Variants in ASAP1 observed in about 807,000 individuals in gnomAD.
The protein encoded by ASAP1 is arf-GAP with SH3 domain, ANK repeat and PH domain-containing protein 1.
A neutral mutation model predicts 145.2 loss-of-function variants in ASAP1; 43 were observed. The observed-to-expected ratio is 0.30, with a 90% CI of 0.23 to 0.38. ASAP1 has a LOEUF of 0.38. Among genes scored for constraint, ASAP1 ranks in the 10% least tolerant of loss-of-function variants. ASAP1 has a pLI of 1.00. For synonymous variants in ASAP1, 546 were observed against 515.5 expected (o/e 1.06, Z -0.80); for missense variants, 1,018 against 1,355.3 (o/e 0.75, Z 3.91).
chr8:130,315,524 A>T (rs1324716405), intron 3 of ASAP1, among the ~76,000 whole-genome samples: 4 of 152,212 alleles, frequency 2.6e-5, no homozygotes, highest in Non-Finnish European at 5.9e-5. Context: ...GAGCATAAGG[A>T]AGAGGCTCCT....
intron 11 of ASAP1, among the ~76,000 whole-genome samples, chr8:130,166,651 G>A (rs2097680410): frequency 6.6e-6 from 1 of 151,974 alleles, no homozygotes; most frequent in Non-Finnish European, 1.5e-5. Flanking sequence ...ACTAGATAAT[G>A]AGCTACTAGA....
At chr8:130,257,831 T>C (rs1819660352) in intron 3 of ASAP1, among the ~76,000 whole-genome samples, 1 of 136,074 alleles carries the variant, frequency 7.3e-6, no homozygotes, top group Non-Finnish European at 1.5e-5. Context: ...ATCTCAGAAG[T>C]AGTTCTCCAT....
At chr8:130,218,231 G>A (rs1817056470) in intron 4 of ASAP1, among the ~76,000 whole-genome samples, 2 of 151,776 alleles carry the variant, frequency 1.3e-5, no homozygotes, top group South Asian at 4.2e-4. Flanking sequence ...TGATTTTGGA[G>A]ACCTATGAAA....
At chr8:130,125,418 T>C (rs1005090139) in intron 17 of ASAP1, among the ~76,000 whole-genome samples, 20 of 152,110 alleles carry the variant, frequency 1.3e-4, no homozygotes, top group Non-Finnish European at 1.9e-4. Context: ...AACCCCTTTT[T>C]TGGATTAAGA....
At chr8:130,397,226 T>C (rs1828572818) in intron 2 of ASAP1, among the ~76,000 whole-genome samples, 1 of 152,150 alleles carries the variant, frequency 6.6e-6, no homozygotes, top group South Asian at 2.1e-4. Flanking sequence ...CTGCAACCTC[T>C]GCCTCCCAGG....
intron 10 of ASAP1, among the ~76,000 whole-genome samples, chr8:130,168,429 G>C (rs2097684560): frequency 6.6e-6 from 1 of 152,180 alleles, no homozygotes; most frequent in African/African-American, 2.4e-5. Flanking sequence ...TGGATCACTT[G>C]AGCTCAGGAG....
intron 24 of ASAP1, 150 bp downstream of exon 24, chr8:130,111,944 C>T (rs2097547585): frequency 1.4e-6 from 1 of 708,728 alleles, no homozygotes; most frequent in Non-Finnish European, 2.4e-6. Context: ...ATGGCATGGT[C>T]CCTATTTCAA....
intron 3 of ASAP1, among the ~76,000 whole-genome samples, chr8:130,357,737 G>A (rs890006881): frequency 2.0e-4 from 31 of 152,242 alleles, no homozygotes; most frequent in African/African-American, 6.3e-4. Flanking sequence ...GTGCATGCCA[G>A]GGACAGGACT....
At chr8:130,126,365 A>G (rs1358070905) in intron 16 of ASAP1, among the ~76,000 whole-genome samples, 2 of 152,180 alleles carry the variant, frequency 1.3e-5, no homozygotes, top group Non-Finnish European at 2.9e-5. Context: ...CCTGTGAGAG[A>G]TGTTCCCTCA....
chr8:130,189,514 C>T (rs985052807), intron 5 of ASAP1, among the ~76,000 whole-genome samples: 1 of 152,132 alleles, frequency 6.6e-6, no homozygotes, highest in Non-Finnish European at 1.5e-5. Flanking sequence ...AATAATATTC[C>T]ATTGTGTATA....
chr8:130,186,131 G>A (rs899623695), intron 7 of ASAP1, among the ~76,000 whole-genome samples: 2 of 151,880 alleles, frequency 1.3e-5, no homozygotes, highest in South Asian at 2.1e-4. Context: ...GCAGTACTTC[G>A]CTTACAAGTT....
intron 27 of ASAP1, among the ~76,000 whole-genome samples, chr8:130,073,403 A>C (rs1298828593): frequency 6.6e-6 from 1 of 151,908 alleles, no homozygotes; most frequent in East Asian, 1.9e-4. Flanking sequence ...AAAAAAAAAA[A>C]AACAAATACA....
At chr8:130,056,236 C>G (rs762097335) in intron 29 of ASAP1, among the ~76,000 whole-genome samples, 1 of 152,234 alleles carries the variant, frequency 6.6e-6, no homozygotes, top group African/African-American at 2.4e-5. Flanking sequence ...GAGCTAGTAA[C>G]TGATTCACGT....
intron 3 of ASAP1, among the ~76,000 whole-genome samples, chr8:130,338,142 T>C (rs1326547930): frequency 6.6e-6 from 1 of 152,170 alleles, no homozygotes; most frequent in Non-Finnish European, 1.5e-5. Context: ...CACCTCACCC[T>C]CACAACAGAC....
At chr8:130,291,191 AG>A (rs1482307412) in intron 3 of ASAP1, among the ~76,000 whole-genome samples, 2 of 152,248 alleles carry the variant, frequency 1.3e-5, no homozygotes, top group African/African-American at 4.8e-5. Context: ...GAACACTCTT[AG>A]AATGTGAATG....
At chr8:130,250,631 G>A (rs1046447697) in intron 3 of ASAP1, among the ~76,000 whole-genome samples, 6 of 152,034 alleles carry the variant, frequency 3.9e-5, no homozygotes, top group Non-Finnish European at 7.4e-5. Flanking sequence ...GTTTTGTTTT[G>A]TTTTATTTTT....
chr8:130,404,641 T>C lies in ASAP1; in HGVS notation c.-27-2671A>G, dbSNP rs200556664. Reference sequence around the variant, plus strand: ...CCCAAGTGGAGCAGCTGAGTTAGTATGGTAGACTGCATGAGTCTTCCCAGT... The same window carrying C: ...CCCAAGTGGAGCAGCTGAGTTAGTACGGTAGACTGCATGAGTCTTCCCAGT... On this transcript the variant is annotated intron_variant, in intron 1 of 29. Transcript: ENST00000518721. 3.2e-4 allele frequency among the ~76,000 whole-genome samples: 49 copies of C among 152,362 alleles called. No individual in the cohort carries two copies. The East Asian group carries it at 5.8e-3, about 18-fold the overall frequency.
chr8:130,257,238 A>G (rs1819619889), intron 3 of ASAP1, among the ~76,000 whole-genome samples: 1 of 152,174 alleles, frequency 6.6e-6, no homozygotes, highest in South Asian at 2.1e-4. Flanking sequence ...ACTTAATAGA[A>G]TGTCAAGCAA....
intron 3 of ASAP1, among the ~76,000 whole-genome samples, chr8:130,276,746 T>TCTC (rs1554867274): frequency 1.4e-4 from 21 of 150,742 alleles, no homozygotes; most frequent in African/African-American, 5.1e-4. Context: ...TCTCTCTCTC[T>TCTC]CTCTCTCTCT....
Sources: gnomAD v4.1 joint callset for allele counts (sites outside exome capture counted in the v4.1 genomes callset) on GRCh38, gnomAD v4.1.1 for gene constraint, MANE v1.5 for transcripts, NCBI Gene and HGNC (gene_info 2026-07-23, HGNC 2026-07-21) for gene names.